Variants in SLC30A9 observed in about 807,000 individuals in gnomAD.
SLC30A9 encodes solute carrier family 30 member 9, also known as proton-coupled zinc antiporter SLC30A9, mitochondrial.
In SLC30A9, 58 loss-of-function variants were observed where a neutral mutation model predicts 87.5. The ratio of observed to expected loss-of-function variants is 0.66; its 90% CI spans 0.54 to 0.82. The LOEUF (loss-of-function observed/expected upper bound fraction) is 0.82. Ranked by LOEUF, SLC30A9 falls within the 40% of genes least tolerant of loss-of-function variation. The pLI, the probability that SLC30A9 is intolerant of heterozygous loss-of-function variation, is 0.00. For synonymous variants in SLC30A9, 234 were observed against 233.0 expected (o/e 1.00, Z -0.04); for missense variants, 557 against 679.1 (o/e 0.82, Z 2.00).
At chr4:42,081,086 A>G (rs1451484076) in intron 17 of SLC30A9, among the ~76,000 whole-genome samples, 1 of 152,240 alleles carries the variant, frequency 6.6e-6, no homozygotes, top group African/African-American at 2.4e-5. Flanking sequence ...ATGCCTGCCA[A>G]ATACCCAAAT....
At chr4:42,062,565 G>T (rs933940489) in intron 10 of SLC30A9, among the ~76,000 whole-genome samples, 3 of 152,086 alleles carry the variant, frequency 2.0e-5, no homozygotes, top group Non-Finnish European at 4.4e-5. Context: ...CAAATTATAG[G>T]TATTATAAAT....
intron 1 of SLC30A9, among the ~76,000 whole-genome samples, chr4:42,001,171 T>A (rs1350711895): frequency 1.3e-5 from 2 of 152,032 alleles, no homozygotes; most frequent in East Asian, 3.8e-4. Flanking sequence ...GGTGACAGTA[T>A]GAATGAATGA....
Position 42,078,203 on chromosome 4 carries a change from T to C in SLC30A9, c.1549-9T>C. On this transcript the variant is annotated splice_polypyrimidine_tract_variant and intron_variant, in intron 16 of 17. Coordinates refer to ENST00000264451, the MANE Select transcript of SLC30A9 (RefSeq NM_006345.4). ...AAAATTTATTTTCCTGTTTTCATTTTCTTTATAGGAAATTCAAGAAGTGAA... is the reference window on the plus strand; with the variant it reads ...AAAATTTATTTTCCTGTTTTCATTTCCTTTATAGGAAATTCAAGAAGTGAA... The C allele has an allele frequency of 3.7e-6, 5 of 1,356,278 alleles. No individual in the cohort carries two copies. The highest frequency in any genetic ancestry group is 5.1e-6 in the Non-Finnish European group (5 of 977,132). The allele number at this position is 1,356,278 out of a possible 1,614,324, so 84.0% of individuals were successfully genotyped here.
intron 2 of SLC30A9, among the ~76,000 whole-genome samples, chr4:42,012,064 A>C (rs866011492): frequency 1.3e-5 from 2 of 152,170 alleles, no homozygotes; most frequent in Middle Eastern, 3.4e-3. Flanking sequence ...GAGAGATGAG[A>C]ATTTTTCAGA....
At chr4:42,052,543 G>A (rs953852130) in intron 9 of SLC30A9, among the ~76,000 whole-genome samples, 1 of 152,218 alleles carries the variant, frequency 6.6e-6, no homozygotes, top group Non-Finnish European at 1.5e-5. Flanking sequence ...CATAAGGATT[G>A]ACAAATCAAT....
At chr4:42,018,487 A>T (rs932728549) in intron 3 of SLC30A9, 1 of 1,155,270 alleles carries the variant, frequency 8.7e-7, no homozygotes, top group Non-Finnish European at 1.1e-6. Context: ...CTTTTCAGCT[A>T]CTGCTTATTC....
chr4:41,992,306 A>C (rs909044053), intron 1 of SLC30A9, among the ~76,000 whole-genome samples: 6 of 151,596 alleles, frequency 4.0e-5, no homozygotes, highest in African/African-American at 1.5e-4. Flanking sequence ...ATGCCAGTGC[A>C]CTCCAGCCTG....
chr4:42,053,063 A>G (rs1717448135), intron 9 of SLC30A9, among the ~76,000 whole-genome samples: 2 of 152,212 alleles, frequency 1.3e-5, no homozygotes, highest in Non-Finnish European at 2.9e-5. Context: ...AGATTTGGGC[A>G]GGTACTTCAC....
intron 8 of SLC30A9, among the ~76,000 whole-genome samples, chr4:42,046,808 G>A (rs889645345): frequency 5.9e-5 from 9 of 152,160 alleles, no homozygotes; most frequent in East Asian, 1.9e-4. Context: ...AAAGCTGGAG[G>A]CATCATGCTG....
At chr4:42,054,783 G>C (rs914711279) in intron 9 of SLC30A9, among the ~76,000 whole-genome samples, 1 of 151,858 alleles carries the variant, frequency 6.6e-6, no homozygotes, top group African/African-American at 2.4e-5. Flanking sequence ...TTACAGACAT[G>C]AGCCACCGCA....
chr4:41,990,818 G>C, intron 1 of SLC30A9, 58 bp downstream of exon 1: 1 of 1,307,682 alleles, frequency 7.6e-7, no homozygotes, highest in Non-Finnish European at 1.1e-6. Context: ...GGCCAGGCTG[G>C]GCTCGGCGCC....
intron 7 of SLC30A9, among the ~76,000 whole-genome samples, chr4:42,038,532 C>T (rs1341788861): frequency 1.3e-5 from 2 of 151,810 alleles, no homozygotes; most frequent in African/African-American, 4.8e-5. Flanking sequence ...AAATCTAGAC[C>T]CATAGTCAGA....
chr4:42,007,367 G>A (rs1403572038), intron 2 of SLC30A9, among the ~76,000 whole-genome samples: 1 of 152,142 alleles, frequency 6.6e-6, no homozygotes, highest in African/African-American at 2.4e-5. Flanking sequence ...TGAATTATAG[G>A]TGCCTATGGA....
intron 2 of SLC30A9, among the ~76,000 whole-genome samples, chr4:42,005,360 GTA>G (rs1485087125): frequency 6.6e-6 from 1 of 152,200 alleles, no homozygotes; most frequent in East Asian, 1.9e-4. Context: ...AATTCAGACT[GTA>G]ACTTGTGTTA....
rs28683143 is a variant in SLC30A9 at position 42,051,501 on chromosome 4, G to C, written c.840+2022G>C. The stretch of plus-strand genomic sequence containing the variant: ...CAAGGATATTAAACAGCTATTTCAA[G>C]TACAGTCATGTATTGAAAGGAAAAT... On this transcript the variant is annotated intron_variant, in intron 9 of 17. Transcript: ENST00000264451. 5.2e-3 allele frequency among the ~76,000 whole-genome samples: 799 copies of C among 152,212 alleles called. 6 individuals are homozygous for C. Among genetic ancestry groups the C allele is most frequent in the African/African-American group, 0.018 (758 of 41,534 alleles).
chr4:42,005,876 C>T (rs938540089), intron 2 of SLC30A9, among the ~76,000 whole-genome samples: 2 of 152,120 alleles, frequency 1.3e-5, no homozygotes, highest in Non-Finnish European at 2.9e-5. Flanking sequence ...GAGAATGACT[C>T]AGAGTTGATT....
At chr4:42,037,810 A>G (rs1344383037) in intron 7 of SLC30A9, among the ~76,000 whole-genome samples, 1 of 152,062 alleles carries the variant, frequency 6.6e-6, no homozygotes, top group Non-Finnish European at 1.5e-5. Context: ...TATTTTTGAG[A>G]CAGAGTATTG....
At chr4:42,070,733 A>G (rs747281757) in intron 15 of SLC30A9, 42 bp downstream of exon 15, 8 of 1,519,040 alleles carry the variant, frequency 5.3e-6, no homozygotes, top group Non-Finnish European at 4.5e-6. Context: ...TTACAAAAAC[A>G]TATTAAAAAA....
At chr4:41,991,399 A>G (rs1435443367) in intron 1 of SLC30A9, among the ~76,000 whole-genome samples, 2 of 152,258 alleles carry the variant, frequency 1.3e-5, no homozygotes, top group Non-Finnish European at 2.9e-5. Context: ...AGGTGGTTGA[A>G]GAGAATTTTC....
Sources: allele counts gnomAD v4.1 joint callset (sites outside exome capture counted in the v4.1 genomes callset), GRCh38; gene constraint gnomAD v4.1.1; transcripts MANE v1.5; gene names NCBI Gene and HGNC (gene_info 2026-07-23, HGNC 2026-07-21).